Variants in CCDC170 observed in about 807,000 individuals in gnomAD.
CCDC170 encodes the protein coiled-coil domain-containing protein 170.
A neutral mutation model predicts 72.6 loss-of-function variants in CCDC170; 69 were observed. The observed-to-expected ratio is 0.95, with a 90% CI of 0.78 to 1.16. The LOEUF (loss-of-function observed/expected upper bound fraction) is 1.16. Among genes scored for constraint, CCDC170 ranks in the 50% most tolerant of loss-of-function variants. The probability of loss-of-function intolerance (pLI) is 0.00; values close to 1 mark genes in which losing one functional copy is unlikely to be tolerated. For synonymous variants in CCDC170, 300 were observed against 303.9 expected, an observed-to-expected ratio of 0.99 and a Z score of 0.13; for missense variants, 852 against 832.5, an observed-to-expected ratio of 1.02 and a Z score of -0.29.
intron 8 of CCDC170, among the ~76,000 whole-genome samples, chr6:151,595,285 C>T (rs1187253250): frequency 2.0e-5 from 3 of 152,094 alleles, no homozygotes; most frequent in African/African-American, 7.2e-5. Flanking sequence ...CCTCTAGAGT[C>T]CATAGTCATT....
intron 1 of CCDC170, among the ~76,000 whole-genome samples, chr6:151,509,226 C>CTATCTATG (rs1554219678): frequency 7.1e-6 from 1 of 139,890 alleles, no homozygotes; most frequent in South Asian, 2.3e-4. Flanking sequence ...ATCTATGTAT[C>CTATCTATG]TATCTATCTA....
intron 5 of CCDC170, among the ~76,000 whole-genome samples, chr6:151,567,895 A>G (rs146356004): frequency 0.018 from 2,800 of 151,902 alleles, 96 homozygotes; most frequent in African/African-American, 0.064. Context: ...GGCGGGTCAC[A>G]AGGTCAGGAG....
At chr6:151,510,660 GA>G (rs2115025180) in intron 1 of CCDC170, among the ~76,000 whole-genome samples, 1 of 152,148 alleles carries the variant, frequency 6.6e-6, no homozygotes, top group South Asian at 2.1e-4. Context: ...ACAAGATACA[GA>G]AAAATCGTAA....
At chr6:151,613,425 A>C (rs1776906810) in intron 9 of CCDC170, among the ~76,000 whole-genome samples, 1 of 152,156 alleles carries the variant, frequency 6.6e-6, no homozygotes, top group African/African-American at 2.4e-5. Flanking sequence ...CAATTTAGTG[A>C]TTTTTAGTAT....
chr6:151,526,895 AT>A (rs1044497683), intron 1 of CCDC170, among the ~76,000 whole-genome samples: 1 of 150,850 alleles, frequency 6.6e-6, no homozygotes, highest in African/African-American at 2.4e-5. Context: ...AATTAGAAGA[AT>A]TTTTTTTGAG....
intron 6 of CCDC170, among the ~76,000 whole-genome samples, chr6:151,579,285 T>C (rs2115097168): frequency 6.6e-6 from 1 of 152,356 alleles, no homozygotes; most frequent in South Asian, 2.1e-4. Context: ...ATATGTTCAC[T>C]CAGGCACTGG....
At chr6:151,613,249 C>G (rs1776902882) in intron 9 of CCDC170, among the ~76,000 whole-genome samples, 1 of 152,056 alleles carries the variant, frequency 6.6e-6, no homozygotes, top group South Asian at 2.1e-4. Flanking sequence ...ACTAAAAATA[C>G]AAAAATTAGC....
chr6:151,592,550 T>G (rs762841927), intron 7 of CCDC170, among the ~76,000 whole-genome samples: 1 of 151,502 alleles, frequency 6.6e-6, no homozygotes, highest in African/African-American at 2.4e-5. Context: ...GCAAAAGGGG[T>G]TTTCCCCTTA....
intron 1 of CCDC170, among the ~76,000 whole-genome samples, chr6:151,531,661 G>T (rs924295985): frequency 1.3e-5 from 2 of 152,184 alleles, no homozygotes; most frequent in African/African-American, 4.8e-5. Flanking sequence ...TTTTTATGCT[G>T]CTAATAAAAA....
chr6:151,587,780 A>G (rs1776476396), intron 7 of CCDC170, among the ~76,000 whole-genome samples: 1 of 152,230 alleles, frequency 6.6e-6, no homozygotes, highest in African/African-American at 2.4e-5. Context: ...TAGTGCAAAT[A>G]GTACAATTAG....
At chr6:151,613,009 T>G (rs1469528780) in intron 9 of CCDC170, among the ~76,000 whole-genome samples, 2 of 152,242 alleles carry the variant, frequency 1.3e-5, no homozygotes, top group East Asian at 1.9e-4. Context: ...TTTATTTATT[T>G]ATTTCAGGTT....
chr6:151,586,863 C>T (rs1776458138), intron 7 of CCDC170, among the ~76,000 whole-genome samples: 1 of 152,092 alleles, frequency 6.6e-6, no homozygotes, highest in Non-Finnish European at 1.5e-5. Context: ...CGACTCACTG[C>T]AACCTCTGCC....
intron 1 of CCDC170, among the ~76,000 whole-genome samples, chr6:151,513,813 C>G (rs138778745): frequency 7.0e-6 from 1 of 143,142 alleles, no homozygotes; most frequent in Non-Finnish European, 1.5e-5. Flanking sequence ...CCACCTACTC[C>G]GGAGGCTGAG....
rs6932603 is a variant in CCDC170 at position 151,618,635 on chromosome 6, T to C, written c.*488T>C. The C allele has an allele frequency of 0.56, 89,373 of 160,654 alleles. 26,232 individuals carry two copies. The highest frequency in any genetic ancestry group is 0.75 in the African/African-American group (31,058 of 41,532). 10.0% of individuals were successfully genotyped at this position (160,654 alleles called of 1,614,324 possible). A position where few individuals can be genotyped will look rare whatever the true frequency, so the allele number is the denominator to read the frequency against. On this transcript the variant is annotated 3_prime_UTR_variant, in exon 11 of 11. Transcript: ENST00000239374. Reference sequence around the variant, plus strand: ...AAAAGCCATACCTCTTCTCCTGCTATGCAGAATCTGTTTCTCCTGAATCTC... The same window carrying C: ...AAAAGCCATACCTCTTCTCCTGCTACGCAGAATCTGTTTCTCCTGAATCTC...
chr6:151,613,531 T>G (rs1321364597), intron 9 of CCDC170, among the ~76,000 whole-genome samples: 1 of 152,192 alleles, frequency 6.6e-6, no homozygotes, highest in Non-Finnish European at 1.5e-5. Flanking sequence ...TGCTCCCCAT[T>G]CTGTCCTCCT....
At chr6:151,594,507 C>A (rs1325411826) in intron 8 of CCDC170, among the ~76,000 whole-genome samples, 1 of 152,124 alleles carries the variant, frequency 6.6e-6, no homozygotes, top group Non-Finnish European at 1.5e-5. Flanking sequence ...ATTCAGCTAC[C>A]ATTCTTTCCA....
chr6:151,513,309 C>T (rs1782174136), intron 1 of CCDC170, among the ~76,000 whole-genome samples: 1 of 152,148 alleles, frequency 6.6e-6, no homozygotes, highest in South Asian at 2.1e-4. Flanking sequence ...ATTAGAAAAA[C>T]ACTATAAAGA....
chr6:151,589,114 G>A (rs903631117), intron 7 of CCDC170, among the ~76,000 whole-genome samples: 2 of 152,076 alleles, frequency 1.3e-5, no homozygotes, highest in African/African-American at 4.8e-5. Flanking sequence ...AATTAGCCAG[G>A]TGTGGTGGTG....
chr6:151,513,814 G>T (rs894558587), intron 1 of CCDC170, among the ~76,000 whole-genome samples: 2 of 150,796 alleles, frequency 1.3e-5, no homozygotes, highest in Non-Finnish European at 3.0e-5. Flanking sequence ...CACCTACTCC[G>T]GAGGCTGAGG....
Sources: gnomAD v4.1 joint callset for allele counts (sites outside exome capture counted in the v4.1 genomes callset) on GRCh38, gnomAD v4.1.1 for gene constraint, MANE v1.5 for transcripts, NCBI Gene and HGNC (gene_info 2026-07-23, HGNC 2026-07-21) for gene names.